TMEM178B: variants seen among roughly 807,000 people sequenced by gnomAD.
TMEM178B encodes transmembrane protein 178B.
A neutral mutation model predicts 31.0 loss-of-function variants in TMEM178B; 5 were observed. The ratio of observed to expected loss-of-function variants is 0.16; its 90% CI spans 0.08 to 0.34. The LOEUF (loss-of-function observed/expected upper bound fraction) is 0.34. Ranked by LOEUF, TMEM178B falls within the 10% of genes least tolerant of loss-of-function variation. TMEM178B has a pLI of 1.00. For missense variants in TMEM178B, 275 were observed against 400.3 expected, an observed-to-expected ratio of 0.69 and a Z score of 2.67; for synonymous variants, 164 against 164.0, an observed-to-expected ratio of 1.00 and a Z score of 0.00.
At chr7:141,114,262 C>T (rs1009621174) in intron 1 of TMEM178B, among the ~76,000 whole-genome samples, 1 of 152,260 alleles carries the variant, frequency 6.6e-6, no homozygotes, top group African/African-American at 2.4e-5. Context: ...GGGCAACCAG[C>T]CTCACACAGA....
rs1454517542 is a variant in TMEM178B, at chr7:141,476,423, C to T, written c.*5637C>T. ...AACCAGTTAACTGTTAACCAAGGCA[C>T]ATGGTCAATGCCTTAGTATTTTTTT... On this transcript the variant is annotated 3_prime_UTR_variant, in exon 4 of 4. Coordinates refer to ENST00000565468, the MANE Select transcript of TMEM178B (RefSeq NM_001195278.2). The T allele has an allele frequency of 2.0e-5, 3 of 152,222 alleles. No homozygotes were observed. In the South Asian group the frequency reaches 6.2e-4, roughly 32 times the overall value. 9.4% of individuals were successfully genotyped at this position (152,222 alleles called of 1,614,324 possible). A position where few individuals can be genotyped will look rare whatever the true frequency, so the allele number is the denominator to read the frequency against.
At chr7:141,198,055 CCTCT>C (rs3035739) in intron 1 of TMEM178B, among the ~76,000 whole-genome samples, 98,383 of 151,626 alleles carry the variant, frequency 0.65, 32,455 homozygotes, top group Middle Eastern at 0.72. Context: ...CTCTTCTTTC[CCTCT>C]CTCTCTCTGA....
intron 2 of TMEM178B, among the ~76,000 whole-genome samples, chr7:141,365,704 A>T (rs1481064151): frequency 1.3e-5 from 2 of 152,196 alleles, no homozygotes; most frequent in Non-Finnish European, 2.9e-5. Context: ...TTCACATGAC[A>T]TTCTGTCTGC....
intron 1 of TMEM178B, among the ~76,000 whole-genome samples, chr7:141,188,666 A>G (rs2129184739): frequency 6.6e-6 from 1 of 152,344 alleles, no homozygotes; most frequent in East Asian, 1.9e-4. Flanking sequence ...ATAAGCTTAC[A>G]TTCTAGTTAG....
At chr7:141,360,869 A>G (rs1173944208) in intron 2 of TMEM178B, among the ~76,000 whole-genome samples, 3 of 152,136 alleles carry the variant, frequency 2.0e-5, no homozygotes, top group African/African-American at 4.8e-5. Flanking sequence ...GGACATTTTT[A>G]GGAACAAAAT....
chr7:141,282,969 A>G (rs1798389546), intron 2 of TMEM178B, among the ~76,000 whole-genome samples: 1 of 152,232 alleles, frequency 6.6e-6, no homozygotes, highest in South Asian at 2.1e-4. Context: ...TTTGCAAACT[A>G]TCTCATCTAT....
intron 2 of TMEM178B, among the ~76,000 whole-genome samples, chr7:141,384,340 T>G (rs558773782): frequency 6.6e-6 from 1 of 152,352 alleles, no homozygotes; most frequent in African/African-American, 2.4e-5. Flanking sequence ...TCTAGGGTTT[T>G]TATGGTTTTA....
At position 141,098,374 on chromosome 7, in the gene TMEM178B, T is replaced by C. The variant is rs549196419; in HGVS notation, c.382+23682T>C. Among the ~76,000 whole-genome samples, 26 of 152,362 alleles carry C rather than the reference T, an allele frequency of 1.7e-4. 1 individual carries two copies. The highest frequency in any genetic ancestry group is 5.5e-4 in the African/African-American group (23 of 41,582). On this transcript the variant is annotated intron_variant, in intron 1 of 3. Transcript: ENST00000565468. ...GGCTTAATGTTTTGGATCCCAGATT[T>C]ATCAGATTTGTCAGGACACAATTAC...
Position 141,296,029 on chromosome 7 carries a change from A to G in TMEM178B, c.496+83325A>G, listed in dbSNP as rs962250343. ...AAAGATGCAGAAAAAAATTAAATGC[A>G]ACAAAACCCTAAATGTTTGCACTGC... On this transcript the variant is annotated intron_variant, in intron 2 of 3. Transcript: ENST00000565468. Among the ~76,000 whole-genome samples, 4 of 152,048 alleles carry G rather than the reference A, an allele frequency of 2.6e-5. No individual in the cohort carries two copies. In the East Asian group the frequency reaches 7.7e-4, roughly 29 times the overall value.
intron 2 of TMEM178B, among the ~76,000 whole-genome samples, chr7:141,389,470 A>T (rs1049639161): frequency 1.3e-5 from 2 of 152,214 alleles, no homozygotes; most frequent in Non-Finnish European, 2.9e-5. Flanking sequence ...TGTACACAAC[A>T]TAGTATAGTA....
At chr7:141,284,353 T>C (rs901629877) in intron 2 of TMEM178B, among the ~76,000 whole-genome samples, 1 of 152,212 alleles carries the variant, frequency 6.6e-6, no homozygotes, top group African/African-American at 2.4e-5. Context: ...TTGTTGTTAT[T>C]AGTAATTTCT....
At chr7:141,118,018 T>A (rs1373671870) in intron 1 of TMEM178B, among the ~76,000 whole-genome samples, 1 of 152,210 alleles carries the variant, frequency 6.6e-6, no homozygotes, top group African/African-American at 2.4e-5. Flanking sequence ...AAAATATTTG[T>A]GAAATGTTAC....
chr7:141,159,512 T>C (rs1249597169), intron 1 of TMEM178B, among the ~76,000 whole-genome samples: 3 of 152,210 alleles, frequency 2.0e-5, no homozygotes, highest in Non-Finnish European at 4.4e-5. Flanking sequence ...TGTTCATAAA[T>C]GCATTATTCA....
intron 1 of TMEM178B, among the ~76,000 whole-genome samples, chr7:141,076,668 TA>T (rs1348373864): frequency 1.3e-5 from 2 of 152,142 alleles, no homozygotes; most frequent in African/African-American, 4.8e-5. Context: ...GGGAAAGGGA[TA>T]GGGGAAGAAT....
chr7:141,239,567 G>A (rs1177100573), intron 2 of TMEM178B, among the ~76,000 whole-genome samples: 1 of 152,166 alleles, frequency 6.6e-6, no homozygotes, highest in South Asian at 2.1e-4. Flanking sequence ...ACTCAGCCTC[G>A]AGTCTCAGCA....
chr7:141,415,927 C>T (rs1002673772), intron 2 of TMEM178B: 5 of 152,552 alleles, frequency 3.3e-5, no homozygotes, highest in African/African-American at 1.2e-4. Flanking sequence ...ACTTCTGATT[C>T]ATGTAAGTTA....
intron 2 of TMEM178B, among the ~76,000 whole-genome samples, chr7:141,390,503 A>C (rs1800514985): frequency 6.6e-6 from 1 of 152,224 alleles, no homozygotes; most frequent in East Asian, 1.9e-4. Flanking sequence ...CCTACTCCAC[A>C]GGGGCTGGCC....
intron 2 of TMEM178B, among the ~76,000 whole-genome samples, chr7:141,227,592 G>A (rs907623813): frequency 6.6e-6 from 1 of 152,094 alleles, no homozygotes; most frequent in African/African-American, 2.4e-5. Flanking sequence ...ATGACTTTAG[G>A]AGGTCTTAGG....
intron 2 of TMEM178B, among the ~76,000 whole-genome samples, chr7:141,378,586 C>CT (rs1294537825): frequency 6.6e-6 from 1 of 152,198 alleles, no homozygotes; most frequent in Non-Finnish European, 1.5e-5. Context: ...GGAGAGGCTC[C>CT]TAAGCGAAGG....
Sources: gnomAD v4.1 joint callset for allele counts (sites outside exome capture counted in the v4.1 genomes callset) on GRCh38, gnomAD v4.1.1 for gene constraint, MANE v1.5 for transcripts, NCBI Gene and HGNC (gene_info 2026-07-23, HGNC 2026-07-21) for gene names.